DSCAML1: variants seen among roughly 807,000 people sequenced by gnomAD.
The protein encoded by DSCAML1 is cell adhesion molecule DSCAML1.
DSCAML1 carries 38 observed loss-of-function variants against 200.5 expected under a neutral mutation model. The observed-to-expected ratio is 0.19, with a 90% confidence interval of 0.15 to 0.25. DSCAML1 has a LOEUF of 0.25. DSCAML1 is among the 10% of genes least tolerant of loss of function. The pLI is 1.00. For missense variants in DSCAML1, 2,223 were observed against 2,858.8 expected, an observed-to-expected ratio of 0.78 and a Z score of 5.07; for synonymous variants, 1,215 against 1,165.0, an observed-to-expected ratio of 1.04 and a Z score of -0.87.
rs2055217701 is a variant in DSCAML1, at chr11:117,780,248, GAAAGAAAGAAA to G, written c.364+234_364+244del. ...GAAAGAAAGGAAAGAAAGAAAGAAAGAAAGAAAGAAAGAAAGAAAGAAAGAAAGAAAGAAAG... is the reference window on the plus strand; with the variant it reads ...GAAAGAAAGGAAAGAAAGAAAGAAAGGAAAGAAAGAAAGAAAGAAAGAAAG... On this transcript the variant is annotated intron_variant, in intron 2 of 32. Coordinates refer to ENST00000651296, the MANE Select transcript of DSCAML1 (RefSeq NM_020693.4). This position sits in a 1 kb window ranked among gnomAD's most constrained non-coding sequence, Gnocchi z 4.8. Among the ~76,000 whole-genome samples, 2 of 76,668 alleles carry G rather than the reference GAAAGAAAGAAA, an allele frequency of 2.6e-5. No homozygotes were observed. Among genetic ancestry groups the G allele is most frequent in the Non-Finnish European group, 6.0e-5 (2 of 33,180 alleles). 50.3% of individuals were successfully genotyped at this position (76,668 alleles called of 152,430 possible).
intron 3 of DSCAML1, among the ~76,000 whole-genome samples, chr11:117,711,573 C>T (rs764416819): frequency 8.5e-5 from 13 of 152,136 alleles, no homozygotes; most frequent in Non-Finnish European, 1.5e-4. Flanking sequence ...GTGAGGGACG[C>T]GTCTCCAATT....
chr11:117,745,248 GTTCAT>G lies in DSCAML1; in HGVS notation c.511+31538_511+31542del, dbSNP rs371087795. Among the ~76,000 whole-genome samples the G allele has an allele frequency of 1.6e-3, 248 of 151,938 alleles. 1 individual carries two copies. Among genetic ancestry groups the G allele is most frequent in the African/African-American group, 5.5e-3 (229 of 41,376 alleles). ...GGGGCGGGGGTGGCTGCGTGAGCAT[GTTCAT>G]TTCATAAACATTCACTTAAGGTCAG... On this transcript the variant is annotated intron_variant, in intron 3 of 32. Transcript: ENST00000651296.
rs183476926 is a variant in DSCAML1, at chr11:117,733,277, T to C, written c.511+43514A>G. Among the ~76,000 whole-genome samples, 1,000 of 152,264 alleles carry C rather than the reference T, an allele frequency of 6.6e-3. 7 individuals are homozygous for C. Among genetic ancestry groups the C allele is most frequent in the Non-Finnish European group, 8.9e-3 (603 of 68,006 alleles). On this transcript the variant is annotated intron_variant, in intron 3 of 32. Coordinates refer to ENST00000651296, the MANE Select transcript of DSCAML1 (RefSeq NM_020693.4). ...GCCCTGTGCAGTGCTTAGCACGTAGTAGCCTCCCTACAAATCCAGAATGAA... is the reference window on the plus strand; with the variant it reads ...GCCCTGTGCAGTGCTTAGCACGTAGCAGCCTCCCTACAAATCCAGAATGAA...
intron 3 of DSCAML1, among the ~76,000 whole-genome samples, chr11:117,715,646 A>C (rs562857776): frequency 6.6e-6 from 1 of 152,164 alleles, no homozygotes; most frequent in South Asian, 2.1e-4. Flanking sequence ...CAGCCCCTCC[A>C]CAAAGTGTGA....
chr11:117,560,013 C>T (rs1429881259), intron 3 of DSCAML1, among the ~76,000 whole-genome samples: 1 of 152,026 alleles, frequency 6.6e-6, no homozygotes, highest in Non-Finnish European at 1.5e-5. Flanking sequence ...GGGTGAGTTC[C>T]CCAAGTGAAT....
chr11:117,702,496 C>T (rs1408314876), intron 3 of DSCAML1, among the ~76,000 whole-genome samples: 1 of 152,026 alleles, frequency 6.6e-6, no homozygotes, highest in African/African-American at 2.4e-5. Flanking sequence ...GATCTAGACC[C>T]TCCTTGATGA....
intron 3 of DSCAML1, among the ~76,000 whole-genome samples, chr11:117,600,478 G>C (rs1041862546): frequency 5.3e-5 from 8 of 152,308 alleles, no homozygotes; most frequent in African/African-American, 1.9e-4. Flanking sequence ...AGCCCACAGA[G>C]GGGAAATGCC....
intron 19 of DSCAML1, among the ~76,000 whole-genome samples, chr11:117,453,520 T>A (rs972786003): frequency 6.6e-6 from 1 of 152,178 alleles, no homozygotes; most frequent in African/African-American, 2.4e-5. Context: ...AGGTATAATA[T>A]CATAGGTTGG....
intron 3 of DSCAML1, among the ~76,000 whole-genome samples, chr11:117,724,461 C>T (rs1270771847): frequency 6.6e-6 from 1 of 152,206 alleles, no homozygotes; most frequent in Non-Finnish European, 1.5e-5. Context: ...ACACCAGTCT[C>T]CTGTGGTCTG....
At chr11:117,814,127 A>AC (rs34188885) in intron 1 of DSCAML1, among the ~76,000 whole-genome samples, 16,730 of 150,904 alleles carry the variant, frequency 0.11, 1,072 homozygotes, top group African/African-American at 0.18. Flanking sequence ...GCACCTTGTG[A>AC]CCCCCCTTCC....
intron 3 of DSCAML1, among the ~76,000 whole-genome samples, chr11:117,744,433 T>C (rs1180137027): frequency 6.6e-6 from 1 of 152,258 alleles, no homozygotes; most frequent in African/African-American, 2.4e-5. Flanking sequence ...CCCCAGTTGA[T>C]GCCAGGTGAG....
chr11:117,602,549 T>C (rs1017901728), intron 3 of DSCAML1, among the ~76,000 whole-genome samples: 2 of 152,214 alleles, frequency 1.3e-5, no homozygotes, highest in Middle Eastern at 3.4e-3. Flanking sequence ...TTGGTAGAGA[T>C]GGAGTTTCAC....
chr11:117,521,534 C>T, intron 5 of DSCAML1, 129 bp from the exon 6 acceptor site: 1 of 925,224 alleles, frequency 1.1e-6, no homozygotes, highest in Non-Finnish European at 1.6e-6. Context: ...CCTCCAGACC[C>T]CTTGTGTGGA....
At position 117,428,288 on chromosome 11, in the gene DSCAML1, G is replaced by T; in HGVS notation, c.*40C>A. 1 of 1,146,692 alleles carries T rather than the reference G, an allele frequency of 8.7e-7. No homozygotes were observed. Among genetic ancestry groups the T allele is most frequent in the Non-Finnish European group, 1.3e-6 (1 of 774,918 alleles). The allele number at this position is 1,146,692 out of a possible 1,614,324, so 71.0% of individuals were successfully genotyped here. ...AGCCGAGCTGGCGTGTGGGGCTGCG[G>T]CGCGGCGCGGTCCAGGCGTGGCTGC... On this transcript the variant is annotated 3_prime_UTR_variant, in exon 33 of 33. Coordinates refer to ENST00000651296, the MANE Select transcript of DSCAML1 (RefSeq NM_020693.4).
intron 3 of DSCAML1, among the ~76,000 whole-genome samples, chr11:117,552,410 T>C (rs747768333): frequency 5.3e-5 from 8 of 152,000 alleles, no homozygotes; most frequent in Non-Finnish European, 1.2e-4. Context: ...CAGGCCCTCA[T>C]TTGACACTCA....
chr11:117,553,938 T>C (rs1225393095), intron 3 of DSCAML1, among the ~76,000 whole-genome samples: 2 of 152,172 alleles, frequency 1.3e-5, no homozygotes, highest in Non-Finnish European at 2.9e-5. Flanking sequence ...AAATAGAACA[T>C]TGCATACACA....
intron 11 of DSCAML1, among the ~76,000 whole-genome samples, chr11:117,495,283 CCT>C (rs1565739029): frequency 6.6e-6 from 1 of 152,192 alleles, no homozygotes. Flanking sequence ...CCATCTTGCC[CCT>C]GATATCCTCC....
intron 12 of DSCAML1, 84 bp from the exon 13 acceptor site, chr11:117,481,354 G>C: frequency 2.9e-6 from 4 of 1,369,078 alleles, no homozygotes; most frequent in East Asian, 2.3e-5. Context: ...TCACTCCAGG[G>C]CTCTCAGCAA....
intron 32 of DSCAML1, among the ~76,000 whole-genome samples, chr11:117,429,125 G>T (rs923739115): frequency 6.6e-6 from 1 of 152,190 alleles, no homozygotes; most frequent in East Asian, 1.9e-4. Flanking sequence ...GTTGTTCAAT[G>T]GTCACTAGAG....
Sources: gnomAD v4.1 joint callset for allele counts (sites outside exome capture counted in the v4.1 genomes callset) on GRCh38, gnomAD v4.1.1 for gene constraint, Gnocchi (gnomAD v3.1) non-coding constraint, MANE v1.5 for transcripts, NCBI Gene and HGNC (gene_info 2026-07-23, HGNC 2026-07-21) for gene names.